Variants in ALKBH8 observed in about 807,000 individuals in gnomAD.
ALKBH8 encodes tRNA (carboxymethyluridine(34)-5-O)-methyltransferase ALKBH8.
In ALKBH8, 36 loss-of-function variants were observed where a neutral mutation model predicts 59.8. The observed-to-expected ratio is 0.60, with a 90% CI of 0.46 to 0.79. ALKBH8 has a LOEUF of 0.79. Among genes scored for constraint, ALKBH8 ranks in the 30% least tolerant of loss-of-function variants. ALKBH8 has a pLI of 0.00. For synonymous variants in ALKBH8, 276 were observed against 273.6 expected (o/e 1.01, Z -0.09); for missense variants, 768 against 801.0 (o/e 0.96, Z 0.50).
rs1863154032 is a variant in ALKBH8 at position 107,522,407 on chromosome 11, A to C, written c.1179T>G (p.Pro393=). Reference sequence around the variant, plus strand: ...TCAAAAACTCCACAATGTGCGGCCAAGGGGTATGTCTTGTGCTGCTGAAGT... The same window carrying C: ...TCAAAAACTCCACAATGTGCGGCCACGGGGTATGTCTTGTGCTGCTGAAGT... The part of the protein sequence containing the change: ...AGHFSSTRHT[P]WPHIVEFLKA... Residue 393 remains proline (P), a synonymous_variant, in exon 10 of 12, where the codon CCT becomes CCG. Transcript: ENST00000428149. 1.9e-6 allele frequency: 3 copies of C among 1,551,792 alleles called. No individual in the cohort carries two copies. The highest frequency in any genetic ancestry group is 2.7e-5 in the African/African-American group (2 of 73,172).
intron 7 of ALKBH8, among the ~76,000 whole-genome samples, chr11:107,548,868 T>C (rs1394457382): frequency 8.2e-6 from 1 of 121,768 alleles, no homozygotes; most frequent in Non-Finnish European, 1.8e-5. Flanking sequence ...TTTTTTTTTT[T>C]GAGTCAGAGT....
At chr11:107,521,966 T>A (rs990179176) in intron 10 of ALKBH8, among the ~76,000 whole-genome samples, 17 of 152,152 alleles carry the variant, frequency 1.1e-4, no homozygotes, top group Admixed American at 1.1e-3. Context: ...ATCAGCTTTA[T>A]CTTCTTCATA....
intron 1 of ALKBH8, chr11:107,562,773 A>G (rs927418889): frequency 2.6e-5 from 4 of 152,104 alleles, no homozygotes; most frequent in African/African-American, 4.8e-5. Context: ...AAAAATAATA[A>G]TAATAATCCA....
At chr11:107,543,082 T>G (rs1442238366) in intron 7 of ALKBH8, among the ~76,000 whole-genome samples, 1 of 152,200 alleles carries the variant, frequency 6.6e-6, no homozygotes, top group Non-Finnish European at 1.5e-5. Flanking sequence ...TTAAAATCCC[T>G]TTTAGAATGT....
In ALKBH8 at chr11:107,504,904, G is replaced by A; in HGVS notation, c.1749C>T (p.Asn583=). The A allele has an allele frequency of 6.4e-7, 1 of 1,551,912 alleles. No individual in the cohort carries two copies. Among genetic ancestry groups the A allele is most frequent in the East Asian group, 2.4e-5 (1 of 40,926 alleles). ...VSNSKLPVHV[N]RTSFYSQDVL... is the part of the protein sequence containing the mutation. ...CATCTTGAGAATAAAAAGAAGTCCT[G>A]TTAACATGAACAGGCAGCTTGGAAT... Residue 583 remains asparagine, a synonymous_variant, in exon 12 of 12, where the codon AAC becomes AAT. Transcript: ENST00000428149.
chr11:107,556,998 C>T lies in ALKBH8; in HGVS notation c.135G>A (p.Leu45=). Residue 45 remains leucine (L), a synonymous_variant, in exon 3 of 12, where the codon CTG becomes CTA. Transcript: ENST00000428149. The part of the protein sequence containing the change: ...IETVSYATQS[L]VVANGGLGNG... The stretch of plus-strand genomic sequence containing the variant: ...TACCCAAACCACCATTGGCAACAAC[C>T]AGGCTCTTAAAAAACAAACAAACAA... 6.4e-7 allele frequency: 1 copy of T among 1,562,528 alleles called. No homozygotes were observed. Among genetic ancestry groups the T allele is most frequent in the South Asian group, 1.2e-5 (1 of 81,752 alleles).
intron 5 of ALKBH8, among the ~76,000 whole-genome samples, 154 bp from the exon 6 acceptor site, chr11:107,552,066 T>TA (rs1281634722): frequency 6.6e-6 from 1 of 150,646 alleles, no homozygotes; most frequent in Admixed American, 6.6e-5. Flanking sequence ...AATTAAAAAA[T>TA]AAAAAAATTT....
At chr11:107,537,727 A>G (rs1245340546) in intron 7 of ALKBH8, among the ~76,000 whole-genome samples, 1 of 152,194 alleles carries the variant, frequency 6.6e-6, no homozygotes, top group Non-Finnish European at 1.5e-5. Context: ...GACAAAAAAA[A>G]AAAAAAATTT....
chr11:107,510,777 A>G (rs1862587408), intron 11 of ALKBH8, 110 bp downstream of exon 11: 5 of 1,152,968 alleles, frequency 4.3e-6, no homozygotes, highest in Non-Finnish European at 6.0e-6. Context: ...ACAAGAAAAG[A>G]GAACGGAAAG....
intron 7 of ALKBH8, among the ~76,000 whole-genome samples, chr11:107,536,815 G>T (rs1407551703): frequency 6.6e-6 from 1 of 152,154 alleles, no homozygotes; most frequent in African/African-American, 2.4e-5. Flanking sequence ...GGTGCCTGAA[G>T]AGGACGTCAG....
intron 2 of ALKBH8, among the ~76,000 whole-genome samples, chr11:107,558,353 T>G (rs574381181): frequency 6.6e-6 from 1 of 152,228 alleles, no homozygotes; most frequent in Non-Finnish European, 1.5e-5. Flanking sequence ...AATACAATAC[T>G]ATATGATATG....
In ALKBH8 at chr11:107,520,427, A is replaced by T. The variant is rs1413896738; in HGVS notation, c.1287+1872T>A. Among the ~76,000 whole-genome samples the T allele has an allele frequency of 2.0e-5, 3 of 152,232 alleles. No homozygotes were observed. In the East Asian group the frequency reaches 5.8e-4, roughly 29 times the overall value. ...AGAAATCATTCTTCTCAATTGCAAC[A>T]TAATAATGTTATCACTATGACTAAA... On this transcript the variant is annotated intron_variant, in intron 10 of 11. Transcript: ENST00000428149.
At chr11:107,554,594 A>G (rs113804852) in intron 3 of ALKBH8, among the ~76,000 whole-genome samples, 15 of 152,342 alleles carry the variant, frequency 9.8e-5, no homozygotes, top group African/African-American at 3.6e-4. Context: ...TAGAGATCTG[A>G]TCATTCATGT....
intron 9 of ALKBH8, among the ~76,000 whole-genome samples, chr11:107,524,660 T>G (rs1477243199): frequency 6.6e-6 from 1 of 152,198 alleles, no homozygotes; most frequent in Admixed American, 6.5e-5. Context: ...TAAGCTTCAG[T>G]AACATCAGGA....
At chr11:107,550,161 T>C in intron 6 of ALKBH8, among the ~76,000 whole-genome samples, 1 of 152,190 alleles carries the variant, frequency 6.6e-6, no homozygotes, top group Non-Finnish European at 1.5e-5. Flanking sequence ...AAACACTGGA[T>C]TCCCAAGTAC....
intron 10 of ALKBH8, among the ~76,000 whole-genome samples, chr11:107,518,421 C>T (rs1340778888): frequency 1.3e-5 from 2 of 152,178 alleles, no homozygotes; most frequent in Non-Finnish European, 2.9e-5. Flanking sequence ...GGGAACAGGC[C>T]CCCCAAAATC....
intron 2 of ALKBH8, among the ~76,000 whole-genome samples, chr11:107,559,203 G>C (rs186309354): frequency 2.6e-5 from 4 of 152,082 alleles, no homozygotes; most frequent in Non-Finnish European, 5.9e-5. Flanking sequence ...TGGAACTGTG[G>C]GTTCATTAAA....
rs748592614 is a variant in ALKBH8, at chr11:107,532,316, A to T, written c.862T>A (p.Tyr288Asn). 8 of 1,613,118 alleles carry T rather than the reference A, an allele frequency of 5.0e-6. No homozygotes were observed. In the Admixed American group the frequency reaches 6.7e-5, roughly 13 times the overall value. Residue 288 changes from tyrosine (Y) to asparagine (N), a missense_variant, in exon 8 of 12, where the codon TAC becomes AAC. Coordinates refer to ENST00000428149, the MANE Select transcript of ALKBH8 (RefSeq NM_138775.3). ...SLLVMTGESR[Y>N]LWTHGITCRK... is the part of the protein sequence containing the mutation. ...AATACATACCCATGGGTCCAAAGGT[A>T]TCTAGATTCTCCTGTCATCACCAGC...
At chr11:107,537,173 G>A (rs972525684) in intron 7 of ALKBH8, among the ~76,000 whole-genome samples, 1 of 152,218 alleles carries the variant, frequency 6.6e-6, no homozygotes, top group Admixed American at 6.5e-5. Context: ...AAACAAAAAT[G>A]GTTATTGTTG....
Sources: gnomAD v4.1 joint callset for allele counts (sites outside exome capture counted in the v4.1 genomes callset) on GRCh38, gnomAD v4.1.1 for gene constraint, MANE v1.5 for transcripts, NCBI Gene and HGNC (gene_info 2026-07-23, HGNC 2026-07-21) for gene names.